The following SLC9B1 variants were observed in gnomAD, a reference collection of about 807,000 sequenced individuals.
The protein encoded by SLC9B1 is sodium/hydrogen exchanger 9B1.
In SLC9B1, 32 loss-of-function variants were observed where a neutral mutation model predicts 51.7. The observed-to-expected ratio is 0.62, with a 90% CI of 0.47 to 0.83. The LOEUF (loss-of-function observed/expected upper bound fraction) is 0.83, where lower values mean the gene tolerates loss of function less well. Among genes scored for constraint, SLC9B1 ranks in the 40% least tolerant of loss-of-function variants. The probability of loss-of-function intolerance (pLI) is 0.00; values close to 1 mark genes in which losing one functional copy is unlikely to be tolerated. For synonymous variants in SLC9B1, 145 were observed against 212.7 expected, an observed-to-expected ratio of 0.68 and a Z score of 2.77; for missense variants, 406 against 613.2, an observed-to-expected ratio of 0.66 and a Z score of 3.57.
At chr4:102,962,878 G>A (rs1332415516) in intron 3 of SLC9B1, 1 of 470,754 alleles carries the variant, frequency 2.1e-6, no homozygotes, top group African/African-American at 2.0e-5. Flanking sequence ...ACCAGGAGAA[G>A]TTCATAATAG....
intron 7 of SLC9B1, among the ~76,000 whole-genome samples, chr4:102,930,559 C>T (rs550521565): frequency 3.1e-4 from 47 of 152,248 alleles, no homozygotes; most frequent in Middle Eastern, 3.4e-3. Context: ...TGCCCACCAC[C>T]ATGCCTGGCT....
intron 6 of SLC9B1, among the ~76,000 whole-genome samples, chr4:102,937,265 G>T (rs1378804617): frequency 1.3e-5 from 2 of 151,500 alleles, no homozygotes; most frequent in Non-Finnish European, 2.9e-5. Flanking sequence ...ACAACACCTG[G>T]CAATTTTTTG....
chr4:102,927,518 C>A (rs192340136), intron 7 of SLC9B1, among the ~76,000 whole-genome samples: 1 of 152,258 alleles, frequency 6.6e-6, no homozygotes, highest in South Asian at 2.1e-4. Context: ...ATCAAAACCA[C>A]AATGAGATAT....
chr4:102,989,978 T>A, intron 2 of SLC9B1, 37 bp from the exon 3 acceptor site: 2 of 1,512,094 alleles, frequency 1.3e-6, no homozygotes, highest in Non-Finnish European at 1.8e-6. Flanking sequence ...GGAACCATAC[T>A]TTCTGTATAA....
At position 102,885,256 on chromosome 4, in the gene SLC9B1, C is replaced by T. The variant is rs371712100; in HGVS notation, c.1405G>A (p.Glu469Lys). 2.0e-5 allele frequency: 33 copies of T among 1,613,928 alleles called. No individual in the cohort carries two copies. The African/African-American group carries it at 2.8e-4, about 14-fold the overall frequency. ...GGTTATTGCCTTTCCTTGGTGTACT[C>T]GCACTTCTTGGCTACCTTGCAGTTC... Residue 469 changes from glutamate (E) to lysine (K), a missense_variant, in exon 12 of 12, where the codon GAG becomes AAG. Transcript: ENST00000394789.
chr4:102,951,615 C>T (rs6533041), intron 3 of SLC9B1, among the ~76,000 whole-genome samples: 82,236 of 150,434 alleles, frequency 0.55, 23,016 homozygotes, highest in African/African-American at 0.68. Context: ...AGTACCCAAA[C>T]AGCAGTCTAG....
At chr4:102,885,390 T>G in intron 11 of SLC9B1, 1 of 1,614,090 alleles carries the variant, frequency 6.2e-7, no homozygotes, top group East Asian at 2.2e-5. Flanking sequence ...GATTTGTGTC[T>G]TACTAAAGCA....
At chr4:102,907,964 T>A (rs1397999023) in intron 9 of SLC9B1, among the ~76,000 whole-genome samples, 2 of 152,228 alleles carry the variant, frequency 1.3e-5, no homozygotes, top group Non-Finnish European at 2.9e-5. Context: ...ATTCATTTCA[T>A]TTCTTTTATC....
intron 3 of SLC9B1, among the ~76,000 whole-genome samples, chr4:102,981,311 A>G (rs999964187): frequency 1.3e-5 from 2 of 152,144 alleles, no homozygotes; most frequent in African/African-American, 2.4e-5. Context: ...ATAAACATCC[A>G]TGTTTATGTG....
intron 1 of SLC9B1, among the ~76,000 whole-genome samples, chr4:103,017,744 T>C (rs1741459416): frequency 1.3e-5 from 2 of 152,228 alleles, no homozygotes; most frequent in Non-Finnish European, 2.9e-5. Flanking sequence ...CCAAAATTCC[T>C]TGCTCATATA....
intron 7 of SLC9B1, among the ~76,000 whole-genome samples, chr4:102,921,959 A>G (rs1475911368): frequency 1.3e-5 from 2 of 152,184 alleles, no homozygotes; most frequent in Non-Finnish European, 2.9e-5. Context: ...CACAATAATA[A>G]TGGGAGAATT....
chr4:102,928,230 C>T (rs1560932848), intron 7 of SLC9B1, among the ~76,000 whole-genome samples: 1 of 151,998 alleles, frequency 6.6e-6, no homozygotes, highest in East Asian at 1.9e-4. Context: ...TATAACAACA[C>T]CAACAAAAAA....
intron 1 of SLC9B1, among the ~76,000 whole-genome samples, chr4:102,997,540 A>G (rs1740290750): frequency 6.6e-6 from 1 of 152,162 alleles, no homozygotes. Flanking sequence ...TGATAAATTC[A>G]CTTAATTCTA....
intron 3 of SLC9B1, among the ~76,000 whole-genome samples, chr4:102,977,334 GAAC>G (rs1560964689): frequency 6.9e-6 from 1 of 145,616 alleles, no homozygotes; most frequent in Non-Finnish European, 1.5e-5. Context: ...AAAGGAAGAA[GAAC>G]AAGAGGAGCA....
At chr4:102,972,837 T>G (rs1225586860) in intron 3 of SLC9B1, among the ~76,000 whole-genome samples, 2 of 152,088 alleles carry the variant, frequency 1.3e-5, no homozygotes, top group Non-Finnish European at 2.9e-5. Context: ...AACCATAAGT[T>G]GGAGACAAAT....
intron 1 of SLC9B1, among the ~76,000 whole-genome samples, chr4:102,996,048 CTT>C (rs1185832685): frequency 1.3e-5 from 2 of 152,244 alleles, no homozygotes; most frequent in African/African-American, 4.8e-5. Context: ...ATGAAGTACT[CTT>C]TAATATTACT....
chr4:102,955,135 CCCA>C (rs1737719044), intron 3 of SLC9B1, among the ~76,000 whole-genome samples: 3 of 152,138 alleles, frequency 2.0e-5, no homozygotes, highest in Admixed American at 2.0e-4. Flanking sequence ...TCCCACAATT[CCCA>C]CGTGTTGTGG....
intron 7 of SLC9B1, among the ~76,000 whole-genome samples, chr4:102,914,820 A>T (rs953893868): frequency 6.6e-6 from 1 of 152,234 alleles, no homozygotes; most frequent in Non-Finnish European, 1.5e-5. Context: ...GCAGAGAGCC[A>T]GTTAAAAAAA....
At chr4:102,995,975 A>G (rs1472603359) in intron 1 of SLC9B1, among the ~76,000 whole-genome samples, 1 of 152,206 alleles carries the variant, frequency 6.6e-6, no homozygotes, top group African/African-American at 2.4e-5. Context: ...TGGATGCAGG[A>G]AAGTTAAGTA....
Sources: gnomAD v4.1 joint callset for allele counts (sites outside exome capture counted in the v4.1 genomes callset) on GRCh38, gnomAD v4.1.1 for gene constraint, MANE v1.5 for transcripts, NCBI Gene and HGNC (gene_info 2026-07-23, HGNC 2026-07-21) for gene names.